Variants in DNM3 observed in about 807,000 individuals in gnomAD.
The protein encoded by DNM3 is dynamin-3.
A neutral mutation model predicts 101.6 loss-of-function variants in DNM3; 47 were observed. The ratio of observed to expected loss-of-function variants is 0.46; its 90% CI spans 0.37 to 0.59. The LOEUF (loss-of-function observed/expected upper bound fraction) is 0.59, where lower values mean the gene tolerates loss of function less well. Among genes scored for constraint, DNM3 ranks in the 20% least tolerant of loss-of-function variants. The probability of loss-of-function intolerance (pLI) is 0.00; values close to 1 mark genes in which losing one functional copy is unlikely to be tolerated. For synonymous variants in DNM3, 385 were observed against 387.9 expected, an observed-to-expected ratio of 0.99 and a Z score of 0.09; for missense variants, 849 against 1,085.7, an observed-to-expected ratio of 0.78 and a Z score of 3.06.
intron 10 of DNM3, among the ~76,000 whole-genome samples, chr1:172,049,569 C>T (rs913088153): frequency 3.9e-5 from 6 of 152,200 alleles, no homozygotes; most frequent in Middle Eastern, 3.4e-3. Flanking sequence ...TGCTGAATTC[C>T]TCGGTTCATG....
chr1:172,414,751 TAAAA>T (rs11378822), downstream of DNM3, among the ~76,000 whole-genome samples: 5 of 100,176 alleles, frequency 5.0e-5, no homozygotes, highest in Non-Finnish European at 7.8e-5. Flanking sequence ...ACCTCATCTC[TAAAA>T]AAAAAAAAAA....
intron 18 of DNM3, among the ~76,000 whole-genome samples, chr1:172,385,291 A>G (rs1460251576): frequency 2.6e-5 from 4 of 152,202 alleles, no homozygotes; most frequent in Non-Finnish European, 1.5e-5. Flanking sequence ...TGTTAGCCAG[A>G]TTAATTTTCC....
At chr1:172,218,955 G>A (rs749778098) in intron 14 of DNM3, among the ~76,000 whole-genome samples, 4 of 152,094 alleles carry the variant, frequency 2.6e-5, no homozygotes, top group African/African-American at 7.2e-5. Flanking sequence ...GTTATCATGT[G>A]CATGCATTAT....
intron 17 of DNM3, among the ~76,000 whole-genome samples, chr1:172,327,904 G>A (rs2148925710): frequency 6.6e-6 from 1 of 152,160 alleles, no homozygotes; most frequent in African/African-American, 2.4e-5. Context: ...TCTGTTTTTG[G>A]CAAATCAGCC....
chr1:172,330,790 A>G (rs182832334), intron 17 of DNM3, among the ~76,000 whole-genome samples: 44 of 152,330 alleles, frequency 2.9e-4, no homozygotes, highest in African/African-American at 9.6e-4. Flanking sequence ...AGAAATATGT[A>G]CCATAAAAGA....
intron 2 of DNM3, among the ~76,000 whole-genome samples, chr1:171,984,276 T>C (rs924232897): frequency 2.0e-5 from 3 of 152,152 alleles, no homozygotes; most frequent in Non-Finnish European, 4.4e-5. Context: ...GTTTCTACTC[T>C]ACCCCAAATC....
intron 2 of DNM3, among the ~76,000 whole-genome samples, chr1:171,978,996 G>C (rs1043127906): frequency 4.6e-5 from 7 of 152,058 alleles, no homozygotes; most frequent in Non-Finnish European, 7.4e-5. Flanking sequence ...AATGAGATTA[G>C]ATGAGATCAC....
intron 14 of DNM3, among the ~76,000 whole-genome samples, chr1:172,193,314 A>C (rs1329569608): frequency 6.6e-6 from 1 of 152,094 alleles, no homozygotes; most frequent in Non-Finnish European, 1.5e-5. Flanking sequence ...TATTGGTCTA[A>C]AATTATCTTA....
intron 15 of DNM3, among the ~76,000 whole-genome samples, chr1:172,266,462 C>T (rs1014548123): frequency 1.6e-4 from 25 of 152,108 alleles, no homozygotes; most frequent in Non-Finnish European, 4.4e-5. Context: ...GAATGAAATA[C>T]TGTGTAAGGA....
chr1:172,103,771 G>A (rs1024066287), intron 13 of DNM3, among the ~76,000 whole-genome samples: 2 of 152,232 alleles, frequency 1.3e-5, no homozygotes, highest in African/African-American at 4.8e-5. Flanking sequence ...GGGGTGCCAA[G>A]GAGGGTGGAT....
chr1:171,906,904 T>C (rs907134603), intron 1 of DNM3, among the ~76,000 whole-genome samples: 2 of 152,202 alleles, frequency 1.3e-5, no homozygotes, highest in Admixed American at 1.3e-4. Flanking sequence ...ATGTAAAATA[T>C]AGCCAAGATA....
chr1:172,174,226 A>G (rs1037704259), intron 14 of DNM3, among the ~76,000 whole-genome samples: 2 of 151,748 alleles, frequency 1.3e-5, no homozygotes, highest in South Asian at 2.1e-4. Flanking sequence ...CCTGAAACAA[A>G]TTTGATGGTT....
At chr1:172,050,401 C>G (rs188272781) in intron 10 of DNM3, among the ~76,000 whole-genome samples, 19 of 152,244 alleles carry the variant, frequency 1.2e-4, no homozygotes, top group Admixed American at 3.9e-4. Flanking sequence ...TTACAAGGGA[C>G]AGTTGTGCTG....
chr1:172,376,816 A>G (rs2068626936), intron 17 of DNM3, among the ~76,000 whole-genome samples: 1 of 152,048 alleles, frequency 6.6e-6, no homozygotes, highest in African/African-American at 2.4e-5. Context: ...AATTTTTTTT[A>G]ATGCTAAGAA....
chr1:172,188,877 A>G (rs1453597465), intron 14 of DNM3, among the ~76,000 whole-genome samples: 2 of 152,018 alleles, frequency 1.3e-5, no homozygotes, highest in Non-Finnish European at 2.9e-5. Context: ...AGGAGGCCCA[A>G]CTTATTTTTT....
chr1:171,914,569 T>C (rs1020632522), intron 1 of DNM3, among the ~76,000 whole-genome samples: 14 of 152,228 alleles, frequency 9.2e-5, no homozygotes, highest in Non-Finnish European at 2.1e-4. Flanking sequence ...GAGTCAATAA[T>C]ATTGGCCCAC....
At chr1:172,273,958 T>TG (rs34454758) in intron 15 of DNM3, among the ~76,000 whole-genome samples, 3 of 152,050 alleles carry the variant, frequency 2.0e-5, no homozygotes, top group South Asian at 2.1e-4. Flanking sequence ...TTTCATGCAA[T>TG]GGGGGGTGTG....
In DNM3 at chr1:172,410,186, T is replaced by C; in HGVS notation, c.*2345T>C. 1 of 985,366 alleles carries C rather than the reference T, an allele frequency of 1.0e-6. No homozygotes were observed. The highest frequency in any genetic ancestry group is 1.2e-6 in the Non-Finnish European group (1 of 829,874). The allele number at this position is 985,366 out of a possible 1,614,324, so 61.0% of individuals were successfully genotyped here. A position where few individuals can be genotyped will look rare whatever the true frequency, so the allele number is the denominator to read the frequency against. ...TTTGCTGCAGTACTATGTCATATTATTAGTATGAATCTCATTTCCCAAAGG... is the reference window on the plus strand; with the variant it reads ...TTTGCTGCAGTACTATGTCATATTACTAGTATGAATCTCATTTCCCAAAGG... On this transcript the variant is annotated 3_prime_UTR_variant, in exon 21 of 21. Coordinates refer to ENST00000627582, the MANE Select transcript of DNM3 (RefSeq NM_015569.5).
chr1:171,975,288 A>G (rs530418749), intron 2 of DNM3, among the ~76,000 whole-genome samples: 10 of 152,318 alleles, frequency 6.6e-5, no homozygotes, highest in African/African-American at 1.9e-4. Flanking sequence ...TTAGTTTTAT[A>G]TAACCAATTG....
Sources: allele counts gnomAD v4.1 joint callset (sites outside exome capture counted in the v4.1 genomes callset), GRCh38; gene constraint gnomAD v4.1.1; transcripts MANE v1.5; gene names NCBI Gene and HGNC (gene_info 2026-07-23, HGNC 2026-07-21).